DMD: variants seen among roughly 807,000 people sequenced by gnomAD.
DMD encodes the protein mutant dystrophin.
In DMD, 63 loss-of-function variants were observed where a neutral mutation model predicts 330.1. The observed-to-expected ratio is 0.19, with a 90% CI of 0.16 to 0.24. The LOEUF is 0.24. Ranked by LOEUF, DMD falls within the 10% of genes least tolerant of loss-of-function variation. The pLI, the probability that DMD is intolerant of heterozygous loss-of-function variation, is 1.00. For synonymous variants in DMD, 1,223 were observed against 959.8 expected (o/e 1.27, Z -5.07); for missense variants, 3,344 against 2,684.1 (o/e 1.25, Z -5.43).
intron 2 of DMD, among the ~76,000 whole-genome samples, chrX:32,895,645 G>A (rs962915755): frequency 7.2e-5 from 8 of 111,667 alleles, no homozygotes; most frequent in Admixed American, 1.9e-4. Context: ...CAACAGAGAG[G>A]AATAATCCAG....
At chrX:33,098,063 C>T (rs1211148280) in intron 1 of DMD, among the ~76,000 whole-genome samples, 1 of 111,663 alleles carries the variant, frequency 9.0e-6, no homozygotes, top group Non-Finnish European at 1.9e-5. Context: ...GAGGAACTTA[C>T]CTAGTTATTT....
At chrX:33,072,404 G>A (rs1318545895) in intron 1 of DMD, among the ~76,000 whole-genome samples, 2 of 112,040 alleles carry the variant, frequency 1.8e-5, no homozygotes, top group Non-Finnish European at 3.8e-5. Context: ...GGCGATAAGA[G>A]TGAAACTCTG....
intron 1 of DMD, among the ~76,000 whole-genome samples, chrX:33,333,218 A>G (rs185095162): frequency 3.6e-5 from 4 of 111,709 alleles, no homozygotes; most frequent in African/African-American, 9.7e-5. Context: ...ATACTTTCAC[A>G]GAATTTTTTC....
chrX:31,963,915 T>C (rs745808818), intron 45 of DMD, among the ~76,000 whole-genome samples: 3 of 108,801 alleles, frequency 2.8e-5, no homozygotes, highest in African/African-American at 6.8e-5. Flanking sequence ...CATCAATGGA[T>C]ACTAAAGCCA....
intron 7 of DMD, among the ~76,000 whole-genome samples, chrX:32,717,149 G>A (rs762338212): frequency 9.0e-6 from 1 of 111,317 alleles, no homozygotes; most frequent in Admixed American, 9.6e-5. Flanking sequence ...TAAGTAAAAA[G>A]GAACTGAATG....
rs138290416 is a variant in DMD, at chrX:31,233,745, G to A, written c.9287-10624C>T. Among the ~76,000 whole-genome samples the A allele has an allele frequency of 7.8e-3, 869 of 111,791 alleles. 5 individuals carry two copies. Among genetic ancestry groups the A allele is most frequent in the Middle Eastern group, 0.037 (8 of 216 alleles). On this transcript the variant is annotated intron_variant, in intron 63 of 78. Transcript: ENST00000357033. ...CCTTTTCTACCTTGGCCTTACCGCC[G>A]TCTCGGCTTACTTATTTCTCTGCCC...
intron 30 of DMD, among the ~76,000 whole-genome samples, chrX:32,409,089 T>C (rs762135865): frequency 4.5e-5 from 5 of 111,734 alleles, no homozygotes; most frequent in Non-Finnish European, 7.5e-5. Context: ...TTTCAGGAAA[T>C]ATAATCCTTG....
At chrX:31,651,302 A>G (rs749759287) in intron 54 of DMD, among the ~76,000 whole-genome samples, 1 of 111,846 alleles carries the variant, frequency 8.9e-6, no homozygotes, top group South Asian at 3.7e-4. Context: ...ACAGTTCTGG[A>G]GATCAGGAGA....
chrX:32,400,396 C>G (rs746836911), intron 30 of DMD, among the ~76,000 whole-genome samples: 1 of 111,351 alleles, frequency 9.0e-6, no homozygotes, highest in South Asian at 3.8e-4. Context: ...CAATGTTCAT[C>G]AAGGATAATG....
chrX:32,468,045 G>C, intron 23 of DMD, among the ~76,000 whole-genome samples: 1 of 109,542 alleles, frequency 9.1e-6, no homozygotes, highest in Non-Finnish European at 1.9e-5. Flanking sequence ...TTTATAAGTA[G>C]CAAAACAGCA....
At chrX:31,420,343 T>C (rs961369676) in intron 60 of DMD, among the ~76,000 whole-genome samples, 4 of 112,258 alleles carry the variant, frequency 3.6e-5, no homozygotes, top group African/African-American at 1.3e-4. Context: ...TGCATGTATA[T>C]GTCCAGAGTC....
At chrX:31,723,623 A>AACACACACACACACACACACACACAC (rs55718177) in intron 52 of DMD, among the ~76,000 whole-genome samples, 2 of 77,685 alleles carry the variant, frequency 2.6e-5, no homozygotes, top group African/African-American at 1.0e-4. Context: ...TATCCTCCAC[A>AACACACACACACACACACACACACAC]ACACACACAC....
intron 17 of DMD, among the ~76,000 whole-genome samples, chrX:32,537,941 T>C (rs1249208976): frequency 8.9e-6 from 1 of 112,363 alleles, no homozygotes; most frequent in African/African-American, 3.2e-5. Flanking sequence ...TAGGACCAGT[T>C]CTCAATATAG....
In DMD at chrX:32,137,053, G is replaced by A. The variant is rs190848958; in HGVS notation, c.6438+79863C>T. ...AAAATAATATTTTATTATGTACAGC[G>A]TGCATTATCAGCACAGATAACATAA... On this transcript the variant is annotated intron_variant, in intron 44 of 78. Coordinates refer to ENST00000357033, the MANE Select transcript of DMD (RefSeq NM_004006.3). Among the ~76,000 whole-genome samples the A allele has an allele frequency of 3.3e-4, 37 of 112,159 alleles. No individual in the cohort carries two copies. The East Asian group carries it at 7.5e-3, about 23-fold the overall frequency.
chrX:32,380,428 C>A (rs2097919954), intron 34 of DMD, 82 bp downstream of exon 34: 1 of 882,915 alleles, frequency 1.1e-6, no homozygotes, highest in Non-Finnish European at 1.6e-6. Context: ...GCTATTATTG[C>A]TACATGTTAA....
chrX:32,554,780 T>C (rs1033120458), intron 16 of DMD, among the ~76,000 whole-genome samples: 2 of 79,426 alleles, frequency 2.5e-5, no homozygotes, highest in African/African-American at 4.7e-5. Context: ...GAGGTCAGCA[T>C]CACCCTGATG....
chrX:32,814,481 G>A (rs1232731438), intron 6 of DMD, among the ~76,000 whole-genome samples: 1 of 111,974 alleles, frequency 8.9e-6, no homozygotes, highest in Non-Finnish European at 1.9e-5. Context: ...AATCGCTATG[G>A]AACAGAGAGT....
chrX:32,438,564 G>A (rs1264927863), intron 28 of DMD, among the ~76,000 whole-genome samples, 174 bp from the exon 29 acceptor site: 1 of 111,913 alleles, frequency 8.9e-6, no homozygotes, highest in Non-Finnish European at 1.9e-5. Context: ...AAAATAGGAT[G>A]TCATTCTATA....
At chrX:33,027,214 A>T (rs191324057) in intron 1 of DMD, among the ~76,000 whole-genome samples, 229 of 112,114 alleles carry the variant, frequency 2.0e-3, no homozygotes, top group African/African-American at 6.7e-3. Flanking sequence ...AGGGGTCCTT[A>T]AAAGGGGGGA....
Sources: allele counts gnomAD v4.1 joint callset (sites outside exome capture counted in the v4.1 genomes callset), GRCh38; gene constraint gnomAD v4.1.1; transcripts MANE v1.5; gene names NCBI Gene and HGNC (gene_info 2026-07-23, HGNC 2026-07-21).